Variants in TTLL8 observed in about 807,000 individuals in gnomAD.
The protein encoded by TTLL8 is protein monoglycylase TTLL8.
TTLL8 carries 65 observed loss-of-function variants against 77.8 expected under a neutral mutation model. That is an observed-to-expected ratio of 0.84 (90% CI 0.68 to 1.03). TTLL8 has a LOEUF of 1.03. TTLL8 is among the 50% of genes least tolerant of loss of function. The pLI is 0.00. For missense variants in TTLL8, 910 were observed against 1,004.5 expected (o/e 0.91, Z 1.27); for synonymous variants, 402 against 422.8 (o/e 0.95, Z 0.60).
intron 12 of TTLL8, chr22:50,027,744 T>C (rs1028631633): frequency 1.0e-6 from 1 of 985,412 alleles, no homozygotes; most frequent in Non-Finnish European, 1.2e-6. Flanking sequence ...TGCGGTTGCC[T>C]GACTGTCACG....
intron 8 of TTLL8, among the ~76,000 whole-genome samples, chr22:50,040,386 C>T (rs2061363297): frequency 6.6e-6 from 1 of 152,270 alleles, no homozygotes; most frequent in Admixed American, 6.5e-5. Context: ...GTGGACGGAC[C>T]TCACAGATTT....
At chr22:50,045,150 G>T in intron 6 of TTLL8, 105 bp downstream of exon 8, 1 of 1,192,486 alleles carries the variant, frequency 8.4e-7, no homozygotes, top group Non-Finnish European at 1.1e-6. Flanking sequence ...ATCCAGCCCC[G>T]GCTGCTGCAA....
chr22:50,031,890 G>T (rs2061297153), exon 11 of TTLL8: 1 of 1,367,128 alleles, frequency 7.3e-7, no homozygotes, highest in South Asian at 1.1e-5. Flanking sequence ...AGCTGTTCTT[G>T]CGAGGCTCCA....
intron 12 of TTLL8, among the ~76,000 whole-genome samples, chr22:50,020,552 A>AT (rs2061189005): frequency 6.7e-6 from 1 of 148,646 alleles, no homozygotes; most frequent in Non-Finnish European, 1.5e-5. Flanking sequence ...CCTCCATCTG[A>AT]CATGCACTCC....
chr22:50,045,932 G>A (rs754171443), exon 5 of TTLL8: 22 of 1,361,432 alleles, frequency 1.6e-5, no homozygotes, highest in African/African-American at 7.4e-5. Context: ...TGGCCGGGAC[G>A]TACCAGGGCA....
At chr22:50,040,367 T>A (rs1317862860) in intron 8 of TTLL8, among the ~76,000 whole-genome samples, 1 of 152,228 alleles carries the variant, frequency 6.6e-6, no homozygotes, top group Non-Finnish European at 1.5e-5. Flanking sequence ...AGATCTCATG[T>A]GTGCCAGCGT....
intron 3 of TTLL8, 60 bp downstream of exon 5, chr22:50,049,189 C>A (rs562359889): frequency 7.3e-7 from 1 of 1,364,952 alleles, no homozygotes; most frequent in Non-Finnish European, 9.8e-7. Context: ...CGGAGCAGGG[C>A]GACGGTGTGA....
At chr22:50,035,495 A>C (rs1221562976) in intron 8 of TTLL8, among the ~76,000 whole-genome samples, 2 of 152,168 alleles carry the variant, frequency 1.3e-5, no homozygotes, top group Non-Finnish European at 2.9e-5. Context: ...GGAAGGACTG[A>C]AGGCGACCTC....
intron 12 of TTLL8, among the ~76,000 whole-genome samples, chr22:50,025,926 G>A (rs1435796707): frequency 2.6e-5 from 4 of 152,190 alleles, no homozygotes; most frequent in Non-Finnish European, 1.5e-5. Flanking sequence ...CTCTCACGTG[G>A]CAGGTGGGAG....
intron 3 of TTLL8, among the ~76,000 whole-genome samples, chr22:50,048,204 A>T (rs2061424222): frequency 6.6e-6 from 1 of 151,938 alleles, no homozygotes; most frequent in Admixed American, 6.6e-5. Flanking sequence ...AGCATCGTCA[A>T]CAGAGCCGAA....
chr22:50,049,303 G>A, exon 3 of TTLL8: 1 of 1,367,632 alleles, frequency 7.3e-7, no homozygotes, highest in Non-Finnish European at 9.8e-7. Flanking sequence ...GATTTTCTTT[G>A]ACTTTGGCAC....
chr22:50,045,297 G>A lies in TTLL8; in HGVS notation c.601C>T (p.Gln201Ter), dbSNP rs550561415. The stretch of plus-strand genomic sequence containing the variant: ...TCGCTGCTCCCGGCCTCCTCCCTCT[G>A]GTCCCTGGGCTTGCTTCTGCTGCTC... Residue 201 changes from glutamine (Q) to a stop codon, truncating the protein, a stop_gained, in exon 6 of 14, where the codon CAG becomes TAG. Transcript: ENST00000266182. LOFTEE classifies it high-confidence loss of function. The A allele has an allele frequency of 9.5e-6, 13 of 1,362,688 alleles. No individual in the cohort carries two copies. Among genetic ancestry groups the A allele is most frequent in the African/African-American group, 4.4e-5 (3 of 67,844 alleles). The allele number at this position is 1,362,688 out of a possible 1,614,324, so 84.4% of individuals were successfully genotyped here.
At chr22:50,046,960 C>A (rs1487260471) in intron 4 of TTLL8, 1 of 551,420 alleles carries the variant, frequency 1.8e-6, no homozygotes, top group Non-Finnish European at 2.3e-6. Context: ...CCGGATTCAC[C>A]CAGAGACACA....
intron 8 of TTLL8, among the ~76,000 whole-genome samples, chr22:50,037,418 G>C (rs568370689): frequency 2.0e-4 from 31 of 152,242 alleles, no homozygotes; most frequent in Admixed American, 1.9e-3. Context: ...TATTGGCCAG[G>C]CTGGTCTGGA....
chr22:50,031,111 G>C (rs536368228), intron 11 of TTLL8, among the ~76,000 whole-genome samples, 186 bp from the exon 13 acceptor site: 13 of 152,250 alleles, frequency 8.5e-5, no homozygotes, highest in Non-Finnish European at 1.8e-4. Flanking sequence ...AACCTGCGGG[G>C]AACCAAGGCT....
At chr22:50,025,494 C>T (rs900240640) in intron 12 of TTLL8, among the ~76,000 whole-genome samples, 1 of 151,996 alleles carries the variant, frequency 6.6e-6, no homozygotes, top group Admixed American at 6.6e-5. Context: ...ACAAAATTAG[C>T]TGGGCATGGT....
In TTLL8 at chr22:50,034,574, C is replaced by T. The variant is rs781250090; in HGVS notation, c.922-112G>A. 2.6e-5 allele frequency: 30 copies of T among 1,159,244 alleles called. No homozygotes were observed. Among genetic ancestry groups the T allele is most frequent in the Admixed American group, 7.4e-5 (3 of 40,738 alleles). 71.8% of individuals were successfully genotyped at this position (1,159,244 alleles called of 1,614,324 possible). ...GGCCCCGCCTCACCCACCAAGCAGG[C>T]GCTCGGCTCTAGGATGGTCTGGGGC... On this transcript the variant is annotated intron_variant, in intron 8 of 13. Coordinates refer to ENST00000266182, the Ensembl canonical transcript of TTLL8. This position sits in a 1 kb window ranked among gnomAD's most constrained non-coding sequence, Gnocchi z 4.1.
At chr22:50,047,769 C>T (rs977025909) in intron 3 of TTLL8, among the ~76,000 whole-genome samples, 4 of 152,190 alleles carry the variant, frequency 2.6e-5, no homozygotes, top group South Asian at 2.1e-4. Context: ...GTTGTTGGTG[C>T]TTTTCTGTTT....
rs1167398033 is a variant in TTLL8, at chr22:50,025,136, T to G, written c.2203+5294A>C. On this transcript the variant is annotated intron_variant, in intron 12 of 13. Coordinates refer to ENST00000266182, the Ensembl canonical transcript of TTLL8. The stretch of plus-strand genomic sequence containing the variant: ...GAAGGAATCACAGAAGAGCATTTAA[T>G]GCCTGAGAAGCTGGACACCCTGTTT... Among the ~76,000 whole-genome samples, 3 of 152,158 alleles carry G rather than the reference T, an allele frequency of 2.0e-5. No individual in the cohort carries two copies. The East Asian group carries it at 5.8e-4, about 29-fold the overall frequency.
Sources: allele counts gnomAD v4.1 joint callset (sites outside exome capture counted in the v4.1 genomes callset), GRCh38; gene constraint gnomAD v4.1.1; non-coding constraint Gnocchi (gnomAD v3.1); transcripts MANE v1.5; gene names NCBI Gene and HGNC (gene_info 2026-07-23, HGNC 2026-07-21).